Variants in TECTA observed in about 807,000 individuals in gnomAD.
TECTA encodes alpha-tectorin.
TECTA carries 128 observed loss-of-function variants against 216.8 expected under a neutral mutation model. That is an observed-to-expected ratio of 0.59 (90% CI 0.51 to 0.68). The LOEUF (loss-of-function observed/expected upper bound fraction) is 0.68, where lower values mean the gene tolerates loss of function less well. TECTA is among the 30% of genes least tolerant of loss of function. The pLI, the probability that TECTA is intolerant of heterozygous loss-of-function variation, is 0.00. For missense variants in TECTA, 2,551 were observed against 2,786.2 expected, an observed-to-expected ratio of 0.92 and a Z score of 1.90; for synonymous variants, 1,089 against 1,117.1, an observed-to-expected ratio of 0.97 and a Z score of 0.50.
Position 121,182,612 on chromosome 11 carries a change from A to G in TECTA, c.6000-5220A>G, listed in dbSNP as rs144337595. On this transcript the variant is annotated intron_variant, in intron 20 of 23. Transcript: ENST00000392793. Reference sequence around the variant, plus strand: ...CCCCAAGCCCCCGATGGTGCATGTGAGCACTGGCAGTGGGTGGGGCAGGTC... The same window carrying G: ...CCCCAAGCCCCCGATGGTGCATGTGGGCACTGGCAGTGGGTGGGGCAGGTC... 3.0e-3 allele frequency among the ~76,000 whole-genome samples: 461 copies of G among 152,198 alleles called. 1 individual carries two copies. The highest frequency in any genetic ancestry group is 5.0e-3 in the Non-Finnish European group (342 of 68,006).
chr11:121,167,912 C>A, intron 18 of TECTA, 142 bp from the exon 19 acceptor site: 1 of 942,360 alleles, frequency 1.1e-6, no homozygotes. Flanking sequence ...AATGCTAAGG[C>A]TAGCTCCATG....
intron 13 of TECTA, among the ~76,000 whole-genome samples, chr11:121,156,018 A>G (rs942189624): frequency 1.3e-5 from 2 of 152,210 alleles, no homozygotes; most frequent in Admixed American, 6.5e-5. Context: ...ATAATGTTGT[A>G]TAATTTCTTC....
At chr11:121,158,847 A>AC (rs1017258011) in intron 14 of TECTA, among the ~76,000 whole-genome samples, 5 of 151,586 alleles carry the variant, frequency 3.3e-5, no homozygotes, top group African/African-American at 7.3e-5. Flanking sequence ...ATAAATGTAA[A>AC]CCCCCCACCC....
intron 4 of TECTA, 141 bp downstream of exon 4, chr11:121,109,639 C>A: frequency 2.0e-6 from 2 of 1,021,760 alleles, no homozygotes; most frequent in East Asian, 2.6e-5. Context: ...TTGCTACCCA[C>A]TTTGCAGGAA....
intron 23 of TECTA, 30 bp downstream of exon 23, chr11:121,189,910 G>C: frequency 1.3e-6 from 2 of 1,585,186 alleles, no homozygotes; most frequent in Non-Finnish European, 1.7e-6. Flanking sequence ...GGGGCAGGCA[G>C]CTGGGAGACA....
chr11:121,166,774 T>C lies in TECTA; in HGVS notation c.5580T>C (p.Ile1860=). Residue 1860 remains isoleucine, a synonymous_variant, in exon 18 of 24, where the codon ATT becomes ATC. Coordinates refer to ENST00000392793, the MANE Select transcript of TECTA (RefSeq NM_005422.4). The part of the protein sequence containing the change: ...INNTKGNCGN[I]VQSNGTHIMY... ...ACACCAAAGGGAATTGTGGAAACAT[T>C]GTGCAGGTGAGAAAAGCAGCAGGAA... 1 of 1,613,908 alleles carries C rather than the reference T, an allele frequency of 6.2e-7. No homozygotes were observed. The highest frequency in any genetic ancestry group is 8.5e-7 in the Non-Finnish European group (1 of 1,180,000).
chr11:121,175,575 G>A (rs1947157652), intron 20 of TECTA, among the ~76,000 whole-genome samples: 1 of 152,232 alleles, frequency 6.6e-6, no homozygotes, highest in Admixed American at 6.5e-5. Context: ...TATAATTTCT[G>A]TTCTTTTACA....
chr11:121,143,868 G>C (rs1946809153), intron 11 of TECTA, among the ~76,000 whole-genome samples: 1 of 152,228 alleles, frequency 6.6e-6, no homozygotes, highest in Non-Finnish European at 1.5e-5. Flanking sequence ...GTGCAGACCA[G>C]CTTTAGCCTG....
chr11:121,103,153 AGTG>A (rs1282425367), intron 2 of TECTA, among the ~76,000 whole-genome samples: 1 of 152,178 alleles, frequency 6.6e-6, no homozygotes, highest in Non-Finnish European at 1.5e-5. Context: ...CATTGATGTC[AGTG>A]GTTTGTGTAT....
At position 121,113,103 on chromosome 11, in the gene TECTA, A is replaced by G. The variant is rs1272129707; in HGVS notation, c.518A>G (p.Asp173Gly). 1 of 1,614,056 alleles carries G rather than the reference A, an allele frequency of 6.2e-7. No homozygotes were observed. The highest frequency in any genetic ancestry group is 1.1e-5 in the South Asian group (1 of 91,072). Residue 173 changes from aspartate (D) to glycine (G), a missense_variant, in exon 5 of 24, where the codon GAT (aspartate) becomes GGT (glycine). Coordinates refer to ENST00000392793, the MANE Select transcript of TECTA (RefSeq NM_005422.4). This position sits in a 1 kb window ranked among gnomAD's most constrained non-coding sequence, Gnocchi z 4.2. ...ACCTTCCAGGCCGTCCTAGTGTCCGATGGCTCCTATACATTCACCCTCTTC... is the reference window on the plus strand; with the variant it reads ...ACCTTCCAGGCCGTCCTAGTGTCCGGTGGCTCCTATACATTCACCCTCTTC... ...VNTFQAVLVS[D>G]GSYTFTLFNY...
At chr11:121,163,941 G>A (rs1362960568) in intron 16 of TECTA, among the ~76,000 whole-genome samples, 1 of 152,198 alleles carries the variant, frequency 6.6e-6, no homozygotes, top group Non-Finnish European at 1.5e-5. Flanking sequence ...CTTTATAAAA[G>A]AGAGCTTTTT....
At chr11:121,139,330 C>G (rs796144794) in intron 11 of TECTA, among the ~76,000 whole-genome samples, 2 of 152,296 alleles carry the variant, frequency 1.3e-5, no homozygotes, top group African/African-American at 4.8e-5. Context: ...ACCATACATA[C>G]CTAATTCATC....
rs1946383215 is a variant in TECTA at position 121,105,636 on chromosome 11, C to G, written c.65-195C>G. On this transcript the variant is annotated intron_variant, in intron 2 of 23. Transcript: ENST00000392793. This position sits in a 1 kb window ranked among gnomAD's most constrained non-coding sequence, Gnocchi z 5.3. ...CTCCTATGGAGAAACAATGTCACTC[C>G]CATTTTCCCGTTTCCCAGAGCAGAA... 6.6e-6 allele frequency among the ~76,000 whole-genome samples: 1 copy of G among 152,186 alleles called. No homozygotes were observed. The highest frequency in any genetic ancestry group is 1.5e-5 in the Non-Finnish European group (1 of 68,030).
chr11:121,178,164 G>A (rs550802105), intron 20 of TECTA, among the ~76,000 whole-genome samples: 277 of 152,292 alleles, frequency 1.8e-3, no homozygotes, highest in African/African-American at 6.0e-3. Flanking sequence ...GCTTCGGCTC[G>A]TGCACGGTGC....
At chr11:121,143,311 A>G (rs565180248) in intron 11 of TECTA, among the ~76,000 whole-genome samples, 1 of 152,068 alleles carries the variant, frequency 6.6e-6, no homozygotes, top group Non-Finnish European at 1.5e-5. Context: ...GTAATTATTC[A>G]TATTTATCAG....
intron 16 of TECTA, among the ~76,000 whole-genome samples, 158 bp from the exon 17 acceptor site, chr11:121,165,109 CTATTGA>C (rs1947037851): frequency 6.6e-6 from 1 of 152,196 alleles, no homozygotes; most frequent in Non-Finnish European, 1.5e-5. Context: ...TATGTGCTAG[CTATTGA>C]CATTATTTTC....
intron 15 of TECTA, among the ~76,000 whole-genome samples, chr11:121,161,120 T>G (rs892454704): frequency 6.6e-6 from 1 of 152,182 alleles, no homozygotes. Flanking sequence ...AAATCCCCAG[T>G]CCTGGAAATC....
intron 7 of TECTA, 133 bp from the exon 8 acceptor site, chr11:121,125,169 C>T: frequency 1.1e-6 from 1 of 932,974 alleles, no homozygotes; most frequent in Non-Finnish European, 1.7e-6. Flanking sequence ...GGGAAGCCCA[C>T]TGGAGCCTGG....
chr11:121,151,560 G>A (rs1476904648), intron 12 of TECTA, among the ~76,000 whole-genome samples: 2 of 152,310 alleles, frequency 1.3e-5, no homozygotes, highest in East Asian at 3.9e-4. Context: ...ACAGATGGGT[G>A]CTTGTATATG....
Sources: gnomAD v4.1 joint callset for allele counts (sites outside exome capture counted in the v4.1 genomes callset) on GRCh38, gnomAD v4.1.1 for gene constraint, Gnocchi (gnomAD v3.1) non-coding constraint, MANE v1.5 for transcripts, NCBI Gene and HGNC (gene_info 2026-07-23, HGNC 2026-07-21) for gene names.